The following TPR variants were observed in gnomAD, a reference collection of about 807,000 sequenced individuals.
The protein encoded by TPR is nucleoprotein TPR.
Under a neutral mutation model 316.1 loss-of-function variants are expected in TPR, and 51 were observed. The observed-to-expected ratio is 0.16, with a 90% confidence interval of 0.13 to 0.20. The LOEUF (loss-of-function observed/expected upper bound fraction) is 0.20, where lower values mean the gene tolerates loss of function less well. Among genes scored for constraint, TPR ranks in the 10% least tolerant of loss-of-function variants. The pLI is 1.00. For missense variants in TPR, 2,272 were observed against 2,754.8 expected, an observed-to-expected ratio of 0.82 and a Z score of 3.92; for synonymous variants, 981 against 914.7, an observed-to-expected ratio of 1.07 and a Z score of -1.31.
Position 186,326,230 on chromosome 1 carries a change from A to G in TPR, c.5895T>C (p.Tyr1965=), listed in dbSNP as rs753766572. Residue 1965 remains tyrosine (Y), a synonymous_variant, in exon 41 of 51, where the codon TAT becomes TAC. Coordinates refer to ENST00000367478, the MANE Select transcript of TPR (RefSeq NM_003292.3). ...CATCATCATCTTCCTCATCCTCTTC[A>G]TAATCCTAGTAGAAAGTTCCCCAGG... ...DDENDGEHED[Y]EEDEEDDDDD... is the part of the protein sequence containing the mutation. The G allele has an allele frequency of 6.2e-7, 1 of 1,608,364 alleles. No individual in the cohort carries two copies. Among genetic ancestry groups the G allele is most frequent in the African/African-American group, 1.3e-5 (1 of 74,622 alleles).
In TPR at chr1:186,312,422, T is replaced by C; in HGVS notation, c.*1549A>G. The C allele has an allele frequency of 1.3e-6, 2 of 1,489,190 alleles. No individual in the cohort carries two copies. The highest frequency in any genetic ancestry group is 1.8e-6 in the Non-Finnish European group (2 of 1,086,754). 92.2% of individuals were successfully genotyped at this position (1,489,190 alleles called of 1,614,324 possible). A position where few individuals can be genotyped will look rare whatever the true frequency, so the allele number is the denominator to read the frequency against. ...AATCCTTAAACATAAGTAGATGTAA[T>C]ACAGTTTCTTATACAGTAAGGCTTA... is the stretch of plus-strand genomic sequence containing the variant. On this transcript the variant is annotated 3_prime_UTR_variant, in exon 51 of 51. Transcript: ENST00000367478.
At chr1:186,324,940 A>C (rs1036513512) in intron 42 of TPR, among the ~76,000 whole-genome samples, 1 of 152,146 alleles carries the variant, frequency 6.6e-6, no homozygotes, top group Non-Finnish European at 1.5e-5. Flanking sequence ...ATTTTTGTTC[A>C]AAGTATATCA....
In TPR at chr1:186,353,748, C is replaced by G; in HGVS notation, c.2274G>C (p.Gln758His). The G allele has an allele frequency of 6.2e-7, 1 of 1,614,086 alleles. No homozygotes were observed. The highest frequency in any genetic ancestry group is 1.1e-5 in the South Asian group (1 of 91,076). Reference sequence around the variant, plus strand: ...AATCTTGAGTCATCGTATTGATAATCTGTTCTTGCTTTTGAGTTGTGGCAG... The same window carrying G: ...AATCTTGAGTCATCGTATTGATAATGTGTTCTTGCTTTTGAGTTGTGGCAG... ...KLTATTQKQE[Q>H]IINTMTQDLR... The change falls in exon 18 of 51, where the codon CAG becomes CAC. Residue 758 changes from glutamine to histidine, a missense_variant. Physicochemically the swap from Gln to His is conservative, Grantham distance 24. Around this residue, in one of 10 missense-constraint regions of TPR, gnomAD observed 757 missense variants for 859.8 expected, o/e 0.88. Coordinates refer to ENST00000367478, the MANE Select transcript of TPR (RefSeq NM_003292.3).
rs1553226499 is a variant in TPR, at chr1:186,315,213, A to AAAAAC, written c.6941-490_6941-489insGTTTT. On this transcript the variant is annotated intron_variant, in intron 49 of 50. Transcript: ENST00000367478. Reference sequence around the variant, plus strand: ...CAGACCAAGGCCCTGTCTCAAAAAAAAAACAAACAAACAAACAAAAAAAAA... The same window carrying AAAAAC: ...CAGACCAAGGCCCTGTCTCAAAAAAAAAAACAAACAAACAAACAAACAAAAAAAAA... Among the ~76,000 whole-genome samples the AAAAAC allele has an allele frequency of 6.4e-4, 97 of 150,664 alleles. 1 individual carries two copies. The Middle Eastern group carries it at 0.014, about 21-fold the overall frequency.
At chr1:186,345,967 G>A (rs563936490) in intron 23 of TPR, among the ~76,000 whole-genome samples, 168 bp downstream of exon 23, 6 of 152,064 alleles carry the variant, frequency 3.9e-5, no homozygotes, top group Admixed American at 3.3e-4. Flanking sequence ...AAATTTCAAC[G>A]GGAAATGTAT....
At position 186,326,574 on chromosome 1, in the gene TPR, G is replaced by T. The variant is rs1329386711; in HGVS notation, c.5890-339C>A. On this transcript the variant is annotated intron_variant, in intron 40 of 50. Coordinates refer to ENST00000367478, the MANE Select transcript of TPR (RefSeq NM_003292.3). ...AAATGATAAAATTACACTATATCAG[G>T]AGCTATTTAAAAAATGTTTATTAAT... 2.0e-5 allele frequency among the ~76,000 whole-genome samples: 3 copies of T among 151,970 alleles called. No individual in the cohort carries two copies. The South Asian group carries it at 6.2e-4, about 32-fold the overall frequency.
chr1:186,371,362 A>T (rs765219542), intron 2 of TPR, among the ~76,000 whole-genome samples: 2 of 152,222 alleles, frequency 1.3e-5, no homozygotes, highest in African/African-American at 2.4e-5. Flanking sequence ...CATAAGAAAC[A>T]GTGAACTGTA....
chr1:186,356,320 C>A lies in TPR; in HGVS notation c.1854G>T (p.Leu618Phe). 1 of 1,609,022 alleles carries A rather than the reference C, an allele frequency of 6.2e-7. No homozygotes were observed. Among genetic ancestry groups the A allele is most frequent in the South Asian group, 1.1e-5 (1 of 90,200 alleles). The change falls in exon 15 of 51, where the codon TTG becomes TTT. Residue 618 changes from leucine (L) to phenylalanine (F), a missense_variant. Around this residue, in one of 10 missense-constraint regions of TPR, gnomAD observed 757 missense variants for 859.8 expected, o/e 0.88. Transcript: ENST00000367478. ...GAATGGCAACTCCTGTTGTTTGTGA[C>A]AATAAAATACGGTACATATCACGCT... ...VRQRDMYRIL[L>F]SQTTGVAIPL...
intron 15 of TPR, 27 bp from the exon 16 acceptor site, chr1:186,355,795 TG>T: frequency 6.2e-7 from 1 of 1,607,416 alleles, no homozygotes; most frequent in Non-Finnish European, 8.5e-7. Flanking sequence ...ACTAATAAAA[TG>T]CTTTGTTGGC....
chr1:186,323,796 A>C lies in TPR; in HGVS notation c.6187T>G (p.Ser2063Ala). 6.4e-7 allele frequency: 1 copy of C among 1,552,772 alleles called. No individual in the cohort carries two copies. Among genetic ancestry groups the C allele is most frequent in the Non-Finnish European group, 8.6e-7 (1 of 1,158,410 alleles). The change falls in exon 43 of 51, where the codon TCT becomes GCT. Residue 2063 changes from serine to alanine, a missense_variant. Coordinates refer to ENST00000367478, the MANE Select transcript of TPR (RefSeq NM_003292.3). ...VSREQQPSSA[S>A]ERQAPRAPQS... ...GGTGCTCGAGGGGCCTGTCTTTCAG[A>C]TGCTGATGATGGCTGTTGTTCTCTA...
rs995581295 is a variant in TPR, at chr1:186,355,146, C to T, written c.2171+264G>A. The stretch of plus-strand genomic sequence containing the variant: ...TCTTGAATTCCTGCCCTCAAATGAC[C>T]CACCTGCCTCGGCTTCCCAAAGTGC... On this transcript the variant is annotated intron_variant, in intron 17 of 50. Transcript: ENST00000367478. Among the ~76,000 whole-genome samples the T allele has an allele frequency of 2.6e-5, 4 of 152,060 alleles. No individual in the cohort carries two copies. The East Asian group carries it at 7.7e-4, about 29-fold the overall frequency.
chr1:186,360,097 G>A lies in TPR; in HGVS notation c.1192-101C>T, dbSNP rs905821337. On this transcript the variant is annotated intron_variant, in intron 11 of 50. Transcript: ENST00000367478. Reference sequence around the variant, plus strand: ...ACATTCTTTAACACTAACACAAAATGGCAATGTTTACTATGTTAGTTACAC... The same window carrying A: ...ACATTCTTTAACACTAACACAAAATAGCAATGTTTACTATGTTAGTTACAC... 2.9e-6 allele frequency: 4 copies of A among 1,378,692 alleles called. No homozygotes were observed. The African/African-American group carries it at 4.4e-5, about 15-fold the overall frequency. The allele number at this position is 1,378,692 out of a possible 1,614,324, so 85.4% of individuals were successfully genotyped here.
chr1:186,313,999 C>T lies in TPR; in HGVS notation c.7064G>A (p.Gly2355Glu). 6.2e-7 allele frequency: 1 copy of T among 1,611,520 alleles called. No individual in the cohort carries two copies. The highest frequency in any genetic ancestry group is 8.5e-7 in the Non-Finnish European group (1 of 1,179,198). ...RGVSHAMGGR[G>E]GINRGNIN ...ATTAATATTTCCTCTGTTTATTCCTCCTCTCCCTCCCATTGCATGGCTCAC... is the reference window on the plus strand; with the variant it reads ...ATTAATATTTCCTCTGTTTATTCCTTCTCTCCCTCCCATTGCATGGCTCAC... The change falls in exon 51 of 51, where the codon GGA becomes GAA. Residue 2355 changes from glycine to glutamate, a missense_variant. Around this residue, in one of 10 missense-constraint regions of TPR, gnomAD observed 123 missense variants for 142.3 expected, o/e 0.86. Coordinates refer to ENST00000367478, the MANE Select transcript of TPR (RefSeq NM_003292.3).
chr1:186,316,480 T>C (rs1273292435), intron 49 of TPR, among the ~76,000 whole-genome samples: 1 of 152,202 alleles, frequency 6.6e-6, no homozygotes, highest in Non-Finnish European at 1.5e-5. Flanking sequence ...TGAGCAGGTC[T>C]GCCATAAAAT....
At chr1:186,362,791 G>C in intron 6 of TPR, 46 bp downstream of exon 6, 1 of 1,490,356 alleles carries the variant, frequency 6.7e-7, no homozygotes, top group Non-Finnish European at 9.1e-7. Flanking sequence ...ACATACAAAT[G>C]TAAGTTATAC....
intron 18 of TPR, 116 bp from the exon 19 acceptor site, chr1:186,352,226 C>G (rs903210355): frequency 3.7e-5 from 33 of 891,168 alleles, no homozygotes; most frequent in Non-Finnish European, 4.8e-5. Flanking sequence ...CTCTTAGGGA[C>G]TATATCTCCT....
intron 13 of TPR, 89 bp from the exon 14 acceptor site, chr1:186,357,712 C>T: frequency 9.1e-7 from 1 of 1,097,486 alleles, no homozygotes; most frequent in South Asian, 1.6e-5. Flanking sequence ...TAAAACATTA[C>T]TTATAAAACC....
intron 18 of TPR, among the ~76,000 whole-genome samples, chr1:186,352,623 T>C (rs2101976441): frequency 6.6e-6 from 1 of 152,334 alleles, no homozygotes; most frequent in East Asian, 1.9e-4. Flanking sequence ...CAAGTACTCA[T>C]ATTTACACAC....
At chr1:186,341,739 T>G (rs954872284) in intron 27 of TPR, 1 of 175,352 alleles carries the variant, frequency 5.7e-6, no homozygotes, top group Non-Finnish European at 1.2e-5. Context: ...TAATCCTCAG[T>G]TTATTCCCTC....
Sources: allele counts gnomAD v4.1 joint callset (sites outside exome capture counted in the v4.1 genomes callset), GRCh38; gene constraint gnomAD v4.1.1; regional missense constraint gnomAD v4.1.1; transcripts MANE v1.5; gene names NCBI Gene and HGNC (gene_info 2026-07-23, HGNC 2026-07-21).